The following TRMT1 variants were observed in gnomAD, a reference collection of about 807,000 sequenced individuals.
TRMT1 encodes tRNA methyltransferase 1, also known as tRNA (guanine(26)-N(2))-dimethyltransferase.
TRMT1 carries 63 observed loss-of-function variants against 75.4 expected under a neutral mutation model. The observed-to-expected ratio is 0.84, with a 90% CI of 0.68 to 1.03. TRMT1 has a LOEUF of 1.03. Among genes scored for constraint, TRMT1 ranks in the 50% least tolerant of loss-of-function variants. The pLI, the probability that TRMT1 is intolerant of heterozygous loss-of-function variation, is 0.00. For synonymous variants in TRMT1, 382 were observed against 358.1 expected, an observed-to-expected ratio of 1.07 and a Z score of -0.75; for missense variants, 870 against 905.3, an observed-to-expected ratio of 0.96 and a Z score of 0.50.
Position 13,109,276 on chromosome 19 carries a change from G to T in TRMT1, c.1397+105C>A, listed in dbSNP as rs1599936280. On this transcript the variant is annotated intron_variant, in intron 12 of 16. Transcript: ENST00000357720. Reference sequence around the variant, plus strand: ...ATTACAGGAATGAGACAGTGCACCGGGTTCTCCCCACCCCCTCGCAAGTTC... The same window carrying T: ...ATTACAGGAATGAGACAGTGCACCGTGTTCTCCCCACCCCCTCGCAAGTTC... 12 of 1,326,688 alleles carry T rather than the reference G, an allele frequency of 9.0e-6. No homozygotes were observed. In the East Asian group the frequency reaches 2.6e-4, roughly 29 times the overall value. The allele number at this position is 1,326,688 out of a possible 1,614,324, so 82.2% of individuals were successfully genotyped here. A position where few individuals can be genotyped will look rare whatever the true frequency, so the allele number is the denominator to read the frequency against.
intron 14 of TRMT1, 59 bp from the exon 15 acceptor site, chr19:13,105,665 C>T: frequency 6.5e-7 from 1 of 1,530,638 alleles, no homozygotes; most frequent in Admixed American, 1.8e-5. Context: ...AGTGTGTCCC[C>T]ACTCCCCACA....
Position 13,112,722 on chromosome 19 carries a change from G to A in TRMT1, c.853C>T (p.Arg285Trp), listed in dbSNP as rs761882120. 1.5e-5 allele frequency: 24 copies of A among 1,612,268 alleles called. 1 individual carries two copies. Among genetic ancestry groups the A allele is most frequent in the East Asian group, 2.2e-5 (1 of 44,894 alleles). ...SKYGAMALKS[R>W]ACHEMALRIV... is the part of the protein sequence containing the mutation. The stretch of plus-strand genomic sequence containing the variant: ...CCCCTCACCATCTCGTGGCAGGCCC[G>A]GCTCTTGAGGGCCATGGCCCCGTAC... Residue 285 changes from arginine (R) to tryptophan (W), a missense_variant, in exon 7 of 17, where the codon CGG becomes TGG. Physicochemically the swap from Arg to Trp is moderately radical, Grantham distance 101. Coordinates refer to ENST00000357720, the MANE Select transcript of TRMT1 (RefSeq NM_001136035.4).
At chr19:13,113,099 T>C in intron 5 of TRMT1, 88 bp from the exon 6 acceptor site, 2 of 944,406 alleles carry the variant, frequency 2.1e-6, no homozygotes, top group South Asian at 4.5e-5. Context: ...AGCACAGTGG[T>C]TTGGGTCTGA....
chr19:13,106,687 A>C (rs1284669039), intron 14 of TRMT1, among the ~76,000 whole-genome samples: 1 of 142,720 alleles, frequency 7.0e-6, no homozygotes, highest in African/African-American at 2.6e-5. Context: ...GGGTTTCGTC[A>C]TGTTGGCCAG....
In TRMT1 at chr19:13,109,549, C is replaced by A. The variant is rs2019042124; in HGVS notation, c.1311+1G>T. The A allele has an allele frequency of 6.2e-7, 1 of 1,613,922 alleles. No individual in the cohort carries two copies. Among genetic ancestry groups the A allele is most frequent in the Admixed American group, 1.7e-5 (1 of 59,990 alleles). On this transcript the variant is annotated splice_donor_variant, in intron 11 of 16. Transcript: ENST00000357720. LOFTEE classifies it high-confidence loss of function. ...CTTCCCCGTCACAGCCCGGCTCTCACCTCAGTGATGACGCTCAGGACCCCT... is the reference window on the plus strand; with the variant it reads ...CTTCCCCGTCACAGCCCGGCTCTCAACTCAGTGATGACGCTCAGGACCCCT...
At position 13,110,173 on chromosome 19, in the gene TRMT1, ACCTTGG is replaced by A. The variant is rs751675414; in HGVS notation, c.998_1003del (p.Ala333_Lys334del). ...CCGGGCTGACCTGGCTGAGGCCTTGACCTTGGCCTGGCCGGTGAAGACACGGACAAA... is the reference window on the plus strand; with the variant it reads ...CCGGGCTGACCTGGCTGAGGCCTTGACCTGGCCGGTGAAGACACGGACAAA... On this transcript the variant is annotated inframe_deletion, in exon 8 of 17. Transcript: ENST00000357720. The A allele has an allele frequency of 2.5e-6, 4 of 1,612,182 alleles. No homozygotes were observed.
At chr19:13,116,591 T>C in intron 1 of TRMT1, 62 bp downstream of exon 1, 1 of 790,260 alleles carries the variant, frequency 1.3e-6, no homozygotes, top group East Asian at 2.7e-5. Flanking sequence ...GTGGAGCCGA[T>C]GCCCTCGTGC....
Position 13,107,759 on chromosome 19 carries a change from G to T in TRMT1, c.1498C>A (p.Arg500Ser). The T allele has an allele frequency of 6.4e-7, 1 of 1,554,180 alleles. No individual in the cohort carries two copies. The highest frequency in any genetic ancestry group is 1.2e-5 in the South Asian group (1 of 84,604). Reference protein sequence around the residue: ...APASALWDIMRCWEKECPVKR... With the variant: ...APASALWDIMSCWEKECPVKR... ...GTCAGCCCTGCCCTCACCCAGCAAC[G>T]CATGATGTCCCAGAGGGCAGAGGCA... The change falls in exon 13 of 17, where the codon CGT (arginine) becomes AGT (serine). Residue 500 changes from arginine to serine, a missense_variant. By Grantham distance (110) the Arg-to-Ser change is moderately radical. Coordinates refer to ENST00000357720, the MANE Select transcript of TRMT1 (RefSeq NM_001136035.4).
At chr19:13,108,147 C>A (rs992938185) in intron 12 of TRMT1, among the ~76,000 whole-genome samples, 4 of 151,678 alleles carry the variant, frequency 2.6e-5, no homozygotes, top group Non-Finnish European at 5.9e-5. Flanking sequence ...TGTGCCACCA[C>A]GCCCAGCTAA....
chr19:13,113,644 G>C (rs938675910), intron 5 of TRMT1, among the ~76,000 whole-genome samples: 1 of 151,296 alleles, frequency 6.6e-6, no homozygotes, highest in Non-Finnish European at 1.5e-5. Flanking sequence ...GAGTCTCGCT[G>C]TGTCACCCAG....
intron 14 of TRMT1, among the ~76,000 whole-genome samples, chr19:13,106,857 C>T (rs1462372767): frequency 6.6e-6 from 1 of 151,170 alleles, no homozygotes; most frequent in South Asian, 2.1e-4. Flanking sequence ...GAGTCTTACT[C>T]TGTCACCCAG....
At chr19:13,114,993 C>T (rs552695841) in intron 5 of TRMT1, among the ~76,000 whole-genome samples, 4 of 152,196 alleles carry the variant, frequency 2.6e-5, no homozygotes, top group African/African-American at 9.7e-5. Context: ...ATAGCAGACA[C>T]TGGATATACT....
chr19:13,110,197 C>G lies in TRMT1; in HGVS notation c.980G>C (p.Arg327Pro), dbSNP rs762498716. The change falls in exon 8 of 17, where the codon CGT becomes CCT. Residue 327 changes from arginine (R) to proline (P), a missense_variant. By Grantham distance (103) the Arg-to-Pro change is moderately radical (BLOSUM62 -2). Transcript: ENST00000357720. ...GACCTTGGCCTGGCCGGTGAAGACA[C>G]GGACAAAAACACGCACGTAGAAGTC... ...SADFYVRVFV[R>P]VFTGQAKVKA... 1 of 1,612,398 alleles carries G rather than the reference C, an allele frequency of 6.2e-7. No individual in the cohort carries two copies. The highest frequency in any genetic ancestry group is 1.3e-5 in the African/African-American group (1 of 74,868).
intron 8 of TRMT1, 61 bp downstream of exon 8, chr19:13,110,097 C>G: frequency 6.2e-7 from 1 of 1,608,596 alleles, no homozygotes; most frequent in Non-Finnish European, 8.5e-7. Context: ...GCCCCAGATC[C>G]CCCAGGGCAA....
rs2145601601 is a variant in TRMT1, at chr19:13,116,262, T to G, written c.138A>C (p.Glu46Asp). ...TCTCCTGGACTTCACGTGGACGTTC[T>G]TCTCCGTAGGGCCCGGTGCCGTTCT... The part of the protein sequence containing the change: ...AMENGTGPYG[E>D]ERPREVQETT... The change falls in exon 2 of 17, where the codon GAA becomes GAC. Residue 46 changes from glutamate (E) to aspartate (D), a missense_variant. Coordinates refer to ENST00000357720, the MANE Select transcript of TRMT1 (RefSeq NM_001136035.4). 4 of 1,614,182 alleles carry G rather than the reference T, an allele frequency of 2.5e-6. No individual in the cohort carries two copies. The highest frequency in any genetic ancestry group is 3.3e-4 in the Middle Eastern group (2 of 6,062).
intron 7 of TRMT1, among the ~76,000 whole-genome samples, chr19:13,112,122 C>T (rs1011040599): frequency 1.3e-5 from 2 of 151,564 alleles, no homozygotes; most frequent in Admixed American, 1.3e-4. Context: ...CCTGAGTAGC[C>T]GGGATTACAG....
rs1222920190 is a variant in TRMT1 at position 13,105,588 on chromosome 19, G to A, written c.1602C>T (p.Thr534=). Residue 534 remains threonine (T), a synonymous_variant, in exon 15 of 17, where the codon ACC becomes ACT. Transcript: ENST00000357720. The part of the protein sequence containing the change: ...SVEPRLQANF[T]IREDANPSSR... ...AGCTGGGGTTGGCATCTTCCCGGAT[G>A]GTGAAGTTGGCCTGCAGCCTAGGGA... 4 of 1,613,716 alleles carry A rather than the reference G, an allele frequency of 2.5e-6. No homozygotes were observed. The highest frequency in any genetic ancestry group is 8.5e-7 in the Non-Finnish European group (1 of 1,179,898).
At chr19:13,109,124 ATGTG>A (rs1253103481) in intron 12 of TRMT1, among the ~76,000 whole-genome samples, 2 of 149,680 alleles carry the variant, frequency 1.3e-5, no homozygotes, top group African/African-American at 5.0e-5. Flanking sequence ...ATACGTATGT[ATGTG>A]TGTGTATATG....
In TRMT1 at chr19:13,105,387, C is replaced by A. The variant is rs183541443; in HGVS notation, c.1713G>T (p.Ala571=). 6.2e-7 allele frequency: 1 copy of A among 1,613,724 alleles called. No individual in the cohort carries two copies. Among genetic ancestry groups the A allele is most frequent in the African/African-American group, 1.3e-5 (1 of 75,066 alleles). Residue 571 remains alanine (A), a synonymous_variant, in exon 16 of 17, where the codon GCG becomes GCT. Coordinates refer to ENST00000357720, the MANE Select transcript of TRMT1 (RefSeq NM_001136035.4). ...GTCTCTCCTCCATAGCTTCGTCGGCCGCCTTGCCCCTGTGCGAGGGGAGGA... is the reference window on the plus strand; with the variant it reads ...GTCTCTCCTCCATAGCTTCGTCGGCAGCCTTGCCCCTGTGCGAGGGGAGGA... ...PRPRARPGGK[A]ADEAMEERRR...
Sources: allele counts gnomAD v4.1 joint callset (sites outside exome capture counted in the v4.1 genomes callset), GRCh38; gene constraint gnomAD v4.1.1; transcripts MANE v1.5; gene names NCBI Gene and HGNC (gene_info 2026-07-23, HGNC 2026-07-21).